The following CABCOCO1 variants were observed in gnomAD, a reference collection of about 807,000 sequenced individuals.
CABCOCO1 encodes ciliary-associated calcium-binding coiled-coil protein 1.
A neutral mutation model predicts 35.7 loss-of-function variants in CABCOCO1; 28 were observed. The observed-to-expected ratio is 0.78, with a 90% CI of 0.58 to 1.07. The LOEUF (loss-of-function observed/expected upper bound fraction) is 1.07. Among genes scored for constraint, CABCOCO1 ranks in the 50% least tolerant of loss-of-function variants. CABCOCO1 has a pLI of 0.00. For synonymous variants in CABCOCO1, 95 were observed against 100.1 expected (o/e 0.95, Z 0.30); for missense variants, 326 against 309.2 (o/e 1.05, Z -0.41).
chr10:61,732,158 C>A (rs757486411), intron 5 of CABCOCO1, among the ~76,000 whole-genome samples: 46 of 151,906 alleles, frequency 3.0e-4, no homozygotes, highest in Non-Finnish European at 5.7e-4. Flanking sequence ...TTTTTGAATT[C>A]TTTATTGGCA....
chr10:61,672,722 G>A lies in CABCOCO1; in HGVS notation c.151G>A (p.Asp51Asn), dbSNP rs148367625. 2.0e-6 allele frequency: 2 copies of A among 985,394 alleles called. No individual in the cohort carries two copies. Among genetic ancestry groups the A allele is most frequent in the African/African-American group, 1.7e-5 (1 of 57,360 alleles). 61.0% of individuals were successfully genotyped at this position (985,394 alleles called of 1,614,324 possible). The change falls in exon 2 of 8, where the codon GAT becomes AAT. Residue 51 changes from aspartate (D) to asparagine (N), a missense_variant. Asp to Asn is a conservative substitution (Grantham distance 23). Coordinates refer to ENST00000648843, the MANE Select transcript of CABCOCO1 (RefSeq NM_001366906.2). ...QITDLLMEDI[D>N]GVQEKLRIFL... Reference sequence around the variant, plus strand: ...CACTGATTTGTTAATGGAGGACATCGATGGAGTTCAAGAGTAAGCACTTCA... The same window carrying A: ...CACTGATTTGTTAATGGAGGACATCAATGGAGTTCAAGAGTAAGCACTTCA...
chr10:61,739,724 C>T (rs768499413), intron 5 of CABCOCO1, among the ~76,000 whole-genome samples: 7 of 151,510 alleles, frequency 4.6e-5, no homozygotes, highest in East Asian at 3.9e-4. Context: ...GGCTGAGGCA[C>T]GAGGTCAGGA....
At chr10:61,678,313 G>A (rs1366522922) in intron 2 of CABCOCO1, among the ~76,000 whole-genome samples, 3 of 152,072 alleles carry the variant, frequency 2.0e-5, no homozygotes, top group Non-Finnish European at 2.9e-5. Flanking sequence ...TTTCACTTAA[G>A]AGTGAATGAT....
intron 2 of CABCOCO1, among the ~76,000 whole-genome samples, chr10:61,680,384 TAA>T (rs1839679949): frequency 7.4e-6 from 1 of 134,292 alleles, no homozygotes. Flanking sequence ...ATATAACATA[TAA>T]TATATATATT....
At chr10:61,717,446 A>G (rs866409955) in intron 5 of CABCOCO1, among the ~76,000 whole-genome samples, 44 of 149,166 alleles carry the variant, frequency 2.9e-4, no homozygotes, top group African/African-American at 9.5e-4. Flanking sequence ...ACTGCCAGGA[A>G]AAGAAAAGCC....
At chr10:61,674,762 A>G (rs1839459314) in intron 2 of CABCOCO1, among the ~76,000 whole-genome samples, 1 of 152,188 alleles carries the variant, frequency 6.6e-6, no homozygotes, top group Non-Finnish European at 1.5e-5. Flanking sequence ...TCATTAAAAC[A>G]TATTTCTGAA....
At chr10:61,714,816 G>T (rs1261934753) in intron 5 of CABCOCO1, among the ~76,000 whole-genome samples, 1 of 152,166 alleles carries the variant, frequency 6.6e-6, no homozygotes, top group Non-Finnish European at 1.5e-5. Context: ...ATGTAGTTGT[G>T]CACTTTTGAG....
intron 5 of CABCOCO1, among the ~76,000 whole-genome samples, chr10:61,703,211 C>A (rs956556384): frequency 2.1e-5 from 3 of 144,570 alleles, no homozygotes; most frequent in African/African-American, 7.7e-5. Flanking sequence ...TATAAATGTA[C>A]AAAGGCTTGT....
chr10:61,755,047 T>C (rs1484131622), intron 5 of CABCOCO1, among the ~76,000 whole-genome samples: 1 of 152,202 alleles, frequency 6.6e-6, no homozygotes, highest in Admixed American at 6.5e-5. Flanking sequence ...AGGACTCTTG[T>C]TAGCAGAATT....
intron 4 of CABCOCO1, among the ~76,000 whole-genome samples, chr10:61,688,418 A>T (rs767999376): frequency 6.6e-6 from 1 of 152,154 alleles, no homozygotes; most frequent in Non-Finnish European, 1.5e-5. Context: ...ACACTCTGTC[A>T]TGTGTCTGTG....
chr10:61,707,841 T>C (rs1840631420), intron 5 of CABCOCO1, among the ~76,000 whole-genome samples: 1 of 152,020 alleles, frequency 6.6e-6, no homozygotes, highest in Non-Finnish European at 1.5e-5. Flanking sequence ...TTATTTCAAG[T>C]TTTGCACAAG....
intron 5 of CABCOCO1, among the ~76,000 whole-genome samples, chr10:61,749,219 T>G (rs1408025531): frequency 6.6e-6 from 1 of 152,214 alleles, no homozygotes; most frequent in Admixed American, 6.5e-5. Flanking sequence ...TAAAGCACAT[T>G]ACAGTGCACA....
intron 5 of CABCOCO1, among the ~76,000 whole-genome samples, chr10:61,699,460 C>A (rs1319689973): frequency 6.6e-6 from 1 of 152,138 alleles, no homozygotes; most frequent in Admixed American, 6.6e-5. Flanking sequence ...GGCCCACGAG[C>A]ATCAATCTCA....
intron 4 of CABCOCO1, among the ~76,000 whole-genome samples, chr10:61,690,160 G>A (rs1393617527): frequency 6.6e-6 from 1 of 152,016 alleles, no homozygotes; most frequent in African/African-American, 2.4e-5. Flanking sequence ...TTGTACCAGA[G>A]GAAATTGACT....
rs1442014127 is a variant in CABCOCO1 at position 61,760,963 on chromosome 10, T to C, written c.776T>C (p.Val259Ala). 2 of 1,612,510 alleles carry C rather than the reference T, an allele frequency of 1.2e-6. No homozygotes were observed. The highest frequency in any genetic ancestry group is 1.7e-6 in the Non-Finnish European group (2 of 1,179,144). ...VGFTIEDVKS[V>A]LDQVTDDILI... The stretch of plus-strand genomic sequence containing the variant: ...TTTACCATTGAAGATGTAAAATCAG[T>C]GCTGGATCAAGTCACAGATGACATT... The change falls in exon 7 of 8, where the codon GTG (valine) becomes GCG (alanine). Residue 259 changes from valine to alanine, a missense_variant. Transcript: ENST00000648843.
At chr10:61,763,067 A>T (rs1399521590) in intron 7 of CABCOCO1, among the ~76,000 whole-genome samples, 3 of 151,990 alleles carry the variant, frequency 2.0e-5, no homozygotes, top group African/African-American at 7.2e-5. Flanking sequence ...ATGCTATTTG[A>T]ACACACCGAC....
chr10:61,719,267 A>C (rs951512620), intron 5 of CABCOCO1, among the ~76,000 whole-genome samples: 1 of 152,196 alleles, frequency 6.6e-6, no homozygotes, highest in Non-Finnish European at 1.5e-5. Flanking sequence ...GCATGGTTAC[A>C]AAACTGCTTT....
chr10:61,689,968 T>G (rs1840086005), intron 4 of CABCOCO1, among the ~76,000 whole-genome samples: 1 of 152,184 alleles, frequency 6.6e-6, no homozygotes, highest in Middle Eastern at 3.2e-3. Flanking sequence ...ATGATCTTTC[T>G]TAAATTAATT....
chr10:61,739,005 T>C (rs914945083), intron 5 of CABCOCO1, among the ~76,000 whole-genome samples: 3 of 152,232 alleles, frequency 2.0e-5, no homozygotes, highest in Non-Finnish European at 4.4e-5. Context: ...CATTTAGGTA[T>C]ATCCAGAATC....
Sources: allele counts gnomAD v4.1 joint callset (sites outside exome capture counted in the v4.1 genomes callset), GRCh38; gene constraint gnomAD v4.1.1; transcripts MANE v1.5; gene names NCBI Gene and HGNC (gene_info 2026-07-23, HGNC 2026-07-21).